The following HYAL4 variants were observed in gnomAD, a reference collection of about 807,000 sequenced individuals.
HYAL4 encodes the protein hyaluronidase-4.
A neutral mutation model predicts 35.2 loss-of-function variants in HYAL4; 37 were observed. The observed-to-expected ratio is 1.05, with a 90% CI of 0.81 to 1.38. The LOEUF (loss-of-function observed/expected upper bound fraction) is 1.38. HYAL4 is among the 40% of genes most tolerant of loss of function. The pLI, the probability that HYAL4 is intolerant of heterozygous loss-of-function variation, is 0.00. For synonymous variants in HYAL4, 198 were observed against 203.2 expected (o/e 0.97, Z 0.22); for missense variants, 572 against 572.4 (o/e 1.00, Z 0.01).
At chr7:123,857,677 C>CTTTGTTTCTTTCTTTGTTTCTTTCTTTG (rs1400897639) in intron 2 of HYAL4, among the ~76,000 whole-genome samples, 2 of 78,848 alleles carry the variant, frequency 2.5e-5, no homozygotes, top group African/African-American at 9.6e-5. Flanking sequence ...TTGTTTCTTT[C>CTTTGTTTCTTTCTTTGTTTCTTTCTTTG]TTTCTTTCTT....
intron 2 of HYAL4, among the ~76,000 whole-genome samples, chr7:123,855,204 T>A (rs1229616327): frequency 1.3e-5 from 2 of 152,200 alleles, no homozygotes; most frequent in African/African-American, 4.8e-5. Flanking sequence ...TTGTTTACAT[T>A]TAAGGTTAAT....
chr7:123,826,844 G>A (rs1352238084), upstream of HYAL4, among the ~76,000 whole-genome samples: 1 of 152,088 alleles, frequency 6.6e-6, no homozygotes, highest in East Asian at 1.9e-4. Context: ...ATATTTCAAA[G>A]GTAGACTGAA....
chr7:123,769,820 T>TG, the HYAL4 span, among the ~76,000 whole-genome samples: 2 of 135,976 alleles, frequency 1.5e-5, no homozygotes, highest in African/African-American at 2.6e-5. Context: ...GAAAGAGACT[T>TG]GAAAAAAAAA....
At chr7:123,792,563 T>G in the HYAL4 span, among the ~76,000 whole-genome samples, 5 of 152,332 alleles carry the variant, frequency 3.3e-5, no homozygotes, top group South Asian at 1.0e-3. Context: ...AGCCCACACC[T>G]GCTTGACTGG....
intron 2 of HYAL4, among the ~76,000 whole-genome samples, chr7:123,857,681 C>CTTTGTTTG (rs760557077): frequency 1.2e-3 from 118 of 102,148 alleles, no homozygotes; most frequent in Middle Eastern, 6.0e-3. Flanking sequence ...TTCTTTCTTT[C>CTTTGTTTG]TTTCTTTCTT....
chr7:123,812,604 TG>T, the HYAL4 span, among the ~76,000 whole-genome samples: 3 of 152,218 alleles, frequency 2.0e-5, no homozygotes, highest in African/African-American at 7.2e-5. Context: ...TACAATATTT[TG>T]TATTTTTAGG....
chr7:123,829,752 G>A (rs1462372207), intron 1 of HYAL4, among the ~76,000 whole-genome samples: 3 of 152,170 alleles, frequency 2.0e-5, no homozygotes, highest in African/African-American at 7.2e-5. Flanking sequence ...GGATCATTGA[G>A]CCCAGGAGTT....
At chr7:123,771,281 A>G in the HYAL4 span, among the ~76,000 whole-genome samples, 1 of 152,208 alleles carries the variant, frequency 6.6e-6, no homozygotes, top group Admixed American at 6.5e-5. Context: ...TTTCCTCACT[A>G]TTCACTGATT....
the HYAL4 span, among the ~76,000 whole-genome samples, chr7:123,818,390 G>A: frequency 6.6e-6 from 1 of 152,082 alleles, no homozygotes; most frequent in Non-Finnish European, 1.5e-5. Context: ...AGACTGTCTT[G>A]TGAATTCATA....
the HYAL4 span, among the ~76,000 whole-genome samples, chr7:123,783,016 A>G: frequency 2.0e-4 from 30 of 151,864 alleles, no homozygotes; most frequent in African/African-American, 7.0e-4. Flanking sequence ...TTTTGATTAT[A>G]TATTTATAAA....
At chr7:123,864,370 A>G (rs1806642054) in intron 2 of HYAL4, among the ~76,000 whole-genome samples, 2 of 152,326 alleles carry the variant, frequency 1.3e-5, no homozygotes, top group East Asian at 3.9e-4. Context: ...AAACCTGGGC[A>G]TTAAAATTTA....
At chr7:123,862,769 T>C (rs1806602854) in intron 2 of HYAL4, among the ~76,000 whole-genome samples, 1 of 152,204 alleles carries the variant, frequency 6.6e-6, no homozygotes, top group African/African-American at 2.4e-5. Context: ...TCTTGTGTCT[T>C]TTCCCTTAAA....
chr7:123,844,809 A>G (rs1806142360), upstream of HYAL4, among the ~76,000 whole-genome samples: 1 of 152,196 alleles, frequency 6.6e-6, no homozygotes, highest in Non-Finnish European at 1.5e-5. Context: ...GGAGTGAGCA[A>G]GGCTCTGTGG....
the HYAL4 span, among the ~76,000 whole-genome samples, chr7:123,811,332 C>G: frequency 2.2e-4 from 33 of 152,184 alleles, no homozygotes. Context: ...TTTCCTGTTG[C>G]TACACATCCT....
chr7:123,817,324 G>A, the HYAL4 span, among the ~76,000 whole-genome samples: 1 of 151,830 alleles, frequency 6.6e-6, no homozygotes, highest in South Asian at 2.1e-4. Flanking sequence ...TTCCATTATC[G>A]GATGGGTAAC....
chr7:123,769,842 T>C, the HYAL4 span, among the ~76,000 whole-genome samples: 1 of 149,920 alleles, frequency 6.7e-6, no homozygotes, highest in African/African-American at 2.5e-5. Context: ...AAAAACACCG[T>C]TAAACAAAAA....
At chr7:123,767,515 C>T in the HYAL4 span, among the ~76,000 whole-genome samples, 3 of 152,140 alleles carry the variant, frequency 2.0e-5, no homozygotes, top group Admixed American at 6.5e-5. Context: ...CTCCCTGCAG[C>T]TCCAGGACAT....
chr7:123,781,608 G>A, the HYAL4 span, among the ~76,000 whole-genome samples: 52,170 of 151,852 alleles, frequency 0.34, 9,236 homozygotes, highest in Middle Eastern at 0.44. Context: ...CCCTACACAC[G>A]TATGCACTTG....
At position 123,867,853 on chromosome 7, in the gene HYAL4, T is replaced by TA. The variant is rs543658968; in HGVS notation, c.-51-362dup. ...AAGCCTTATGTAGTTATTACAAGTT[T>TA]AAAAAAAATATTTACAAAGCAGTTA... On this transcript the variant is annotated intron_variant, in intron 2 of 4. Transcript: ENST00000223026. Among the ~76,000 whole-genome samples, 6 of 152,154 alleles carry TA rather than the reference T, an allele frequency of 3.9e-5. No individual in the cohort carries two copies. The South Asian group carries it at 1.0e-3, about 26-fold the overall frequency.
Sources: allele counts gnomAD v4.1 joint callset (sites outside exome capture counted in the v4.1 genomes callset), GRCh38; gene constraint gnomAD v4.1.1; transcripts MANE v1.5; gene names NCBI Gene and HGNC (gene_info 2026-07-23, HGNC 2026-07-21).